CHD1L: variants seen among roughly 807,000 people sequenced by gnomAD.
The protein encoded by CHD1L is ATP-dependent chromatin remodeler CHD1L.
In CHD1L, 118 loss-of-function variants were observed where a neutral mutation model predicts 115.9. That is an observed-to-expected ratio of 1.02 (90% CI 0.88 to 1.19). CHD1L has a LOEUF of 1.19. Among genes scored for constraint, CHD1L ranks in the 50% most tolerant of loss-of-function variants. The pLI is 0.00. For synonymous variants in CHD1L, 411 were observed against 387.1 expected (o/e 1.06, Z -0.72); for missense variants, 1,179 against 1,065.3 (o/e 1.11, Z -1.49).
intron 1 of CHD1L, among the ~76,000 whole-genome samples, chr1:147,245,980 C>T (rs1413804573): frequency 6.6e-6 from 1 of 152,206 alleles, no homozygotes; most frequent in Non-Finnish European, 1.5e-5. Context: ...TTGGTACAGT[C>T]AAGATCCAGA....
rs1553957899 is a variant in CHD1L, at chr1:147,276,248, T to C, written c.1530T>C (p.Ala510=). ...TLGAQKPAAD[A]DLQLSEILKF... is the part of the protein sequence containing the mutation. ...GAGCCCAGAAACCCGCTGCCGATGC[T>C]GACCTCCAGGTATGATATGATATAC... Residue 510 remains alanine, a synonymous_variant, in exon 14 of 23, where the codon GCT becomes GCC. Transcript: ENST00000369258. 1.9e-6 allele frequency: 3 copies of C among 1,614,056 alleles called. No individual in the cohort carries two copies.
At chr1:147,206,399 C>A in the CHD1L span, among the ~76,000 whole-genome samples, 28 of 152,198 alleles carry the variant, frequency 1.8e-4, no homozygotes, top group African/African-American at 6.8e-4. Flanking sequence ...TTGACCCAAC[C>A]ATCCCATTAC....
At chr1:147,179,309 T>C in the CHD1L span, 10 of 1,607,710 alleles carry the variant, frequency 6.2e-6, no homozygotes, top group Non-Finnish European at 6.8e-6. Flanking sequence ...GATGTGCTGA[T>C]TGAATTTTAT....
the CHD1L span, chr1:147,190,208 T>G: frequency 6.2e-7 from 1 of 1,612,118 alleles, no homozygotes; most frequent in East Asian, 2.2e-5. Context: ...GCTTTAGATA[T>G]TTCTGCCATC....
chr1:147,256,246 C>T (rs140958033), intron 4 of CHD1L, among the ~76,000 whole-genome samples: 3 of 152,162 alleles, frequency 2.0e-5, no homozygotes, highest in East Asian at 1.9e-4. Context: ...TGAGGAATCA[C>T]GTCTGTTACT....
the CHD1L span, chr1:147,176,393 A>T: frequency 1.3e-5 from 2 of 152,192 alleles, no homozygotes; most frequent in African/African-American, 4.8e-5. Context: ...GAACCACCCT[A>T]TGAGGGTAAG....
the CHD1L span, chr1:147,208,295 G>A: frequency 6.6e-6 from 1 of 152,258 alleles, no homozygotes; most frequent in Non-Finnish European, 1.5e-5. Context: ...AAAAAGAACT[G>A]ATACCTGGGG....
chr1:147,190,358 C>CCTGT, the CHD1L span: 1 of 679,654 alleles, frequency 1.5e-6, no homozygotes, highest in South Asian at 1.9e-5. Flanking sequence ...GGGTAAGTTT[C>CCTGT]CTGTACTCAA....
the CHD1L span, chr1:147,208,856 G>T: frequency 3.3e-5 from 54 of 1,613,664 alleles, no homozygotes; most frequent in Non-Finnish European, 4.4e-5. Flanking sequence ...ACATACCTGT[G>T]TTTAGGCTTC....
At chr1:147,219,334 GA>G in the CHD1L span, among the ~76,000 whole-genome samples, 1 of 151,916 alleles carries the variant, frequency 6.6e-6, no homozygotes, top group Admixed American at 6.6e-5. Flanking sequence ...ATTTGAAATA[GA>G]AAAAAATGTG....
At position 147,263,506 on chromosome 1, in the gene CHD1L, A is replaced by G. The variant is rs1033974689; in HGVS notation, c.577-916A>G. On this transcript the variant is annotated intron_variant, in intron 6 of 22. Transcript: ENST00000369258. ...TCATTTTGATGTATTGTTTAATTCT[A>G]CTAAATTCTTGTGAATGTCAGTTTA... is the stretch of plus-strand genomic sequence containing the variant. Among the ~76,000 whole-genome samples the G allele has an allele frequency of 2.6e-5, 4 of 151,308 alleles. No individual in the cohort carries two copies. In the East Asian group the frequency reaches 7.7e-4, roughly 29 times the overall value.
chr1:147,197,282 G>A, the CHD1L span, among the ~76,000 whole-genome samples: 1 of 152,142 alleles, frequency 6.6e-6, no homozygotes, highest in African/African-American at 2.4e-5. Flanking sequence ...GTAGTTGTAG[G>A]GAGAATTGGG....
chr1:147,177,197 A>G, the CHD1L span, among the ~76,000 whole-genome samples: 1 of 152,194 alleles, frequency 6.6e-6, no homozygotes, highest in Non-Finnish European at 1.5e-5. Flanking sequence ...CAGAAAATAA[A>G]CAAGTGCTTT....
the CHD1L span, among the ~76,000 whole-genome samples, chr1:147,197,212 C>T: frequency 6.6e-6 from 1 of 152,170 alleles, no homozygotes; most frequent in Non-Finnish European, 1.5e-5. Flanking sequence ...TTTGCATAAA[C>T]AGTAGTGATT....
upstream of CHD1L, among the ~76,000 whole-genome samples, chr1:147,240,543 A>G (rs1445046999): frequency 1.3e-5 from 2 of 152,112 alleles, no homozygotes; most frequent in Non-Finnish European, 2.9e-5. Context: ...AGGATTAGTA[A>G]AAGAGAAAGG....
chr1:147,286,223 C>A, intron 17 of CHD1L, 75 bp from the exon 18 acceptor site: 2 of 1,366,382 alleles, frequency 1.5e-6, no homozygotes, highest in South Asian at 1.3e-5. Context: ...TGTTTGTGAA[C>A]AGCAGTATAA....
chr1:147,233,654 G>A, the CHD1L span, among the ~76,000 whole-genome samples: 1 of 152,206 alleles, frequency 6.6e-6, no homozygotes, highest in East Asian at 1.9e-4. Flanking sequence ...GAATAGAAAG[G>A]GGGGAAAGGT....
chr1:147,268,418 G>A (rs587707803), intron 9 of CHD1L, among the ~76,000 whole-genome samples: 1 of 152,270 alleles, frequency 6.6e-6, no homozygotes, highest in East Asian at 1.9e-4. Flanking sequence ...AGGTGCATAT[G>A]AGAACTTTTT....
At chr1:147,179,920 C>T in the CHD1L span, among the ~76,000 whole-genome samples, 6 of 147,016 alleles carry the variant, frequency 4.1e-5, no homozygotes, top group African/African-American at 1.5e-4. Context: ...GCATTTGGAA[C>T]AGTGACAATA....
Sources: allele counts gnomAD v4.1 joint callset (sites outside exome capture counted in the v4.1 genomes callset), GRCh38; gene constraint gnomAD v4.1.1; transcripts MANE v1.5; gene names NCBI Gene and HGNC (gene_info 2026-07-23, HGNC 2026-07-21).